CDH18: variants seen among roughly 807,000 people sequenced by gnomAD.
CDH18 encodes the protein cadherin 18, also known as cadherin-18.
In CDH18, 31 loss-of-function variants were observed where a neutral mutation model predicts 67.9. That is an observed-to-expected ratio of 0.46 (90% confidence interval 0.34 to 0.62). The LOEUF (loss-of-function observed/expected upper bound fraction) is 0.62. CDH18 is among the 20% of genes least tolerant of loss of function. CDH18 has a pLI of 0.01. For missense variants in CDH18, 890 were observed against 975.5 expected (o/e 0.91, Z 1.17); for synonymous variants, 362 against 347.2 (o/e 1.04, Z -0.48).
chr5:19,697,514 A>G (rs562306548), intron 5 of CDH18, among the ~76,000 whole-genome samples: 50 of 152,294 alleles, frequency 3.3e-4, no homozygotes, highest in African/African-American at 1.1e-3. Context: ...AAACTGCAAA[A>G]TGTAGATTAT....
At chr5:19,497,071 T>C (rs961610853) in intron 11 of CDH18, among the ~76,000 whole-genome samples, 3 of 151,942 alleles carry the variant, frequency 2.0e-5, no homozygotes, top group African/African-American at 4.8e-5. Context: ...AAATTCTCTA[T>C]ATATCAAGAA....
intron 11 of CDH18, among the ~76,000 whole-genome samples, chr5:19,489,199 A>G (rs1740879026): frequency 6.6e-6 from 1 of 151,510 alleles, no homozygotes; most frequent in South Asian, 2.1e-4. Context: ...TTATTTTATA[A>G]TCTCCGAGGA....
At chr5:20,563,135 A>G (rs1758314056) in intron 1 of CDH18, among the ~76,000 whole-genome samples, 1 of 151,986 alleles carries the variant, frequency 6.6e-6, no homozygotes, top group Non-Finnish European at 1.5e-5. Context: ...TGACAGCAAA[A>G]AAAGCATAAA....
At chr5:20,406,196 A>G (rs1447902951) in intron 1 of CDH18, among the ~76,000 whole-genome samples, 1 of 152,200 alleles carries the variant, frequency 6.6e-6, no homozygotes, top group Non-Finnish European at 1.5e-5. Flanking sequence ...ATGTCCAACA[A>G]TGATAGACTG....
chr5:19,613,735 A>G (rs768640291), intron 5 of CDH18, among the ~76,000 whole-genome samples: 6 of 152,274 alleles, frequency 3.9e-5, no homozygotes, highest in Non-Finnish European at 7.4e-5. Context: ...ATTCTGGAGG[A>G]TAAAGTTTAC....
chr5:19,707,784 T>C (rs1469712307), intron 5 of CDH18, among the ~76,000 whole-genome samples: 1 of 152,190 alleles, frequency 6.6e-6, no homozygotes, highest in African/African-American at 2.4e-5. Flanking sequence ...GGATTGGACC[T>C]GGTCAGAAAA....
intron 2 of CDH18, among the ~76,000 whole-genome samples, chr5:20,138,443 T>C (rs1749938074): frequency 1.3e-5 from 2 of 152,038 alleles, no homozygotes; most frequent in South Asian, 2.1e-4. Context: ...CTGTTAAACA[T>C]AGTGTTGGAA....
intron 2 of CDH18, among the ~76,000 whole-genome samples, chr5:19,960,779 G>A (rs971470699): frequency 2.9e-5 from 4 of 138,474 alleles, no homozygotes; most frequent in Non-Finnish European, 6.0e-5. Context: ...ATATACACGT[G>A]TATATATATG....
At chr5:20,056,350 A>AG (rs1337597534) in intron 2 of CDH18, among the ~76,000 whole-genome samples, 4 of 149,616 alleles carry the variant, frequency 2.7e-5, no homozygotes, top group Admixed American at 6.7e-5. Flanking sequence ...AAAAAAAAAA[A>AG]AGTGCACTTT....
chr5:20,340,516 T>A (rs1310954889), intron 1 of CDH18, among the ~76,000 whole-genome samples: 1 of 152,158 alleles, frequency 6.6e-6, no homozygotes. Flanking sequence ...AAAGGAAGTC[T>A]CCTTGACGCT....
In CDH18 at chr5:20,287,152, G is replaced by A. The variant is rs1232979885; in HGVS notation, c.-579-31647C>T. ...TGGATTGATATCTGTATTAGACAAAGTGGTGCATTAGCAGGTATAATGTTT... is the reference window on the plus strand; with the variant it reads ...TGGATTGATATCTGTATTAGACAAAATGGTGCATTAGCAGGTATAATGTTT... On this transcript the variant is annotated intron_variant, in intron 1 of 14. Coordinates refer to the CDH18 transcript ENST00000507958. 2.0e-5 allele frequency among the ~76,000 whole-genome samples: 3 copies of A among 151,846 alleles called. No homozygotes were observed. The East Asian group carries it at 5.8e-4, about 29-fold the overall frequency.
chr5:19,667,497 T>G (rs1354765160), intron 5 of CDH18, among the ~76,000 whole-genome samples: 1 of 117,642 alleles, frequency 8.5e-6, no homozygotes, highest in African/African-American at 2.8e-5. Flanking sequence ...ATGTTATATA[T>G]ATATATATAT....
intron 10 of CDH18, among the ~76,000 whole-genome samples, chr5:19,514,375 TG>T (rs1745613837): frequency 1.3e-5 from 2 of 152,250 alleles, no homozygotes; most frequent in Non-Finnish European, 2.9e-5. Context: ...ATGGGACCAC[TG>T]GGTCAAATGG....
intron 5 of CDH18, among the ~76,000 whole-genome samples, chr5:19,634,239 C>T (rs1007229859): frequency 2.0e-5 from 3 of 152,128 alleles, no homozygotes; most frequent in South Asian, 2.1e-4. Flanking sequence ...TGAATAACAA[C>T]GTTGTTATTT....
intron 2 of CDH18, among the ~76,000 whole-genome samples, chr5:20,094,100 G>A (rs1293667557): frequency 6.6e-6 from 1 of 152,124 alleles, no homozygotes; most frequent in African/African-American, 2.4e-5. Context: ...CACTGAGAAA[G>A]CAGTGGCCTA....
At chr5:20,458,761 CTATT>C (rs1751017489) in intron 1 of CDH18, among the ~76,000 whole-genome samples, 1 of 152,270 alleles carries the variant, frequency 6.6e-6, no homozygotes, top group South Asian at 2.1e-4. Context: ...ATTTAAATAA[CTATT>C]AGCTTGTTAT....
intron 1 of CDH18, among the ~76,000 whole-genome samples, chr5:20,439,304 T>G (rs1238246440): frequency 2.0e-5 from 3 of 151,648 alleles, no homozygotes; most frequent in African/African-American, 7.3e-5. Flanking sequence ...GAAAGTAAGT[T>G]TGGTGGATTC....
intron 3 of CDH18, among the ~76,000 whole-genome samples, chr5:19,817,511 A>G (rs1779419363): frequency 1.3e-5 from 2 of 152,084 alleles, no homozygotes; most frequent in East Asian, 3.8e-4. Context: ...TGAGTACATC[A>G]GTGAAAGTAG....
At chr5:19,728,663 T>A (rs1767181001) in intron 4 of CDH18, among the ~76,000 whole-genome samples, 1 of 152,164 alleles carries the variant, frequency 6.6e-6, no homozygotes, top group African/African-American at 2.4e-5. Context: ...AAGGCATTTT[T>A]ATACCAAGCA....
Sources: allele counts gnomAD v4.1 joint callset (sites outside exome capture counted in the v4.1 genomes callset), GRCh38; gene constraint gnomAD v4.1.1; transcripts MANE v1.5; gene names NCBI Gene and HGNC (gene_info 2026-07-23, HGNC 2026-07-21).